FHIP1A: variants seen among roughly 807,000 people sequenced by gnomAD.
FHIP1A encodes the protein FHF complex subunit HOOK interacting protein 1A, also known as FHF complex subunit HOOK-interacting protein 1A.
A neutral mutation model predicts 88.6 loss-of-function variants in FHIP1A; 61 were observed. That is an observed-to-expected ratio of 0.69 (90% CI 0.56 to 0.85). The LOEUF (loss-of-function observed/expected upper bound fraction) is 0.85, where lower values mean the gene tolerates loss of function less well. Among genes scored for constraint, FHIP1A ranks in the 40% least tolerant of loss-of-function variants. FHIP1A has a pLI of 0.00. For missense variants in FHIP1A, 1,154 were observed against 1,273.5 expected (o/e 0.91, Z 1.43); for synonymous variants, 478 against 496.0 (o/e 0.96, Z 0.48).
intron 3 of FHIP1A, among the ~76,000 whole-genome samples, chr4:151,513,986 T>G (rs1731132580): frequency 1.3e-5 from 2 of 150,558 alleles, no homozygotes. Flanking sequence ...CCACCCCAAA[T>G]CAACAGAATA....
chr4:151,434,948 G>A (rs1316980814), intron 1 of FHIP1A, among the ~76,000 whole-genome samples: 1 of 151,866 alleles, frequency 6.6e-6, no homozygotes, highest in Non-Finnish European at 1.5e-5. Context: ...ATGAGGAATT[G>A]GACTCCTTTA....
chr4:151,470,905 A>C (rs1397987852), intron 2 of FHIP1A, among the ~76,000 whole-genome samples: 1 of 152,032 alleles, frequency 6.6e-6, no homozygotes, highest in Non-Finnish European at 1.5e-5. Context: ...TTGCTCCAGG[A>C]TTTTAATTTG....
At chr4:151,482,852 C>T (rs1729948877) in intron 3 of FHIP1A, among the ~76,000 whole-genome samples, 2 of 152,004 alleles carry the variant, frequency 1.3e-5, no homozygotes, top group South Asian at 4.1e-4. Flanking sequence ...TGCATCTTGA[C>T]CCTCTGGTAG....
rs1185864646 is a variant in FHIP1A at position 151,446,456 on chromosome 4, C to T, written c.-355-8245C>T. Reference sequence around the variant, plus strand: ...GTCATGGGATTTCTTTCTTCCTTTCCTTTCCTTTCCTTTTCCCTTTCCTTT... The same window carrying T: ...GTCATGGGATTTCTTTCTTCCTTTCTTTTCCTTTCCTTTTCCCTTTCCTTT... On this transcript the variant is annotated intron_variant, in intron 1 of 13. Coordinates refer to ENST00000435205, the MANE Select transcript of FHIP1A (RefSeq NM_001109977.3). Among the ~76,000 whole-genome samples the T allele has an allele frequency of 9.5e-5, 13 of 136,310 alleles. No individual in the cohort carries two copies. The East Asian group carries it at 2.6e-3, about 27-fold the overall frequency. The allele number at this position is 136,310 out of a possible 152,430, so 89.4% of individuals were successfully genotyped here.
At chr4:151,606,119 C>T (rs559271843) in intron 7 of FHIP1A, among the ~76,000 whole-genome samples, 1 of 152,294 alleles carries the variant, frequency 6.6e-6, no homozygotes, top group Middle Eastern at 3.4e-3. Context: ...TGCTGTTCAA[C>T]CATGATTTAA....
At chr4:151,506,063 C>T (rs764134138) in intron 3 of FHIP1A, among the ~76,000 whole-genome samples, 3 of 152,172 alleles carry the variant, frequency 2.0e-5, no homozygotes, top group Non-Finnish European at 4.4e-5. Flanking sequence ...GCTGAGTCTA[C>T]AGCACATGCC....
At chr4:151,418,640 T>C (rs568045206) in intron 1 of FHIP1A, among the ~76,000 whole-genome samples, 7 of 152,326 alleles carry the variant, frequency 4.6e-5, no homozygotes, top group African/African-American at 1.7e-4. Flanking sequence ...CTTGACTTGG[T>C]TGTCTTGGGT....
chr4:151,447,192 T>C (rs1351031379), intron 1 of FHIP1A, among the ~76,000 whole-genome samples: 1 of 152,188 alleles, frequency 6.6e-6, no homozygotes, highest in African/African-American at 2.4e-5. Flanking sequence ...GAAGACTTCT[T>C]AGGACTGTAA....
At chr4:151,614,462 C>CT (rs771114224) in intron 7 of FHIP1A, among the ~76,000 whole-genome samples, 7 of 142,330 alleles carry the variant, frequency 4.9e-5, no homozygotes, top group Non-Finnish European at 9.0e-5. Flanking sequence ...GTGTGAGACT[C>CT]TGTCTCAAAA....
chr4:151,604,261 A>G (rs549849799), intron 7 of FHIP1A, among the ~76,000 whole-genome samples: 23 of 151,854 alleles, frequency 1.5e-4, no homozygotes, highest in South Asian at 8.4e-4. Flanking sequence ...CTCGGTGCCC[A>G]TGTTATTCTG....
chr4:151,536,914 G>A (rs1362155619), intron 3 of FHIP1A, among the ~76,000 whole-genome samples: 1 of 152,018 alleles, frequency 6.6e-6, no homozygotes, highest in African/African-American at 2.4e-5. Context: ...TTACTCCGTT[G>A]CCCAGGCTGG....
chr4:151,501,864 C>T (rs1003986351), intron 3 of FHIP1A, among the ~76,000 whole-genome samples: 7 of 148,802 alleles, frequency 4.7e-5, no homozygotes, highest in Non-Finnish European at 1.0e-4. Context: ...TGGTTCTCAA[C>T]AAAAACTACA....
intron 3 of FHIP1A, among the ~76,000 whole-genome samples, chr4:151,515,983 A>G (rs1731219929): frequency 6.6e-6 from 1 of 152,218 alleles, no homozygotes. Context: ...AAAAGAGCCC[A>G]CATCGCCAAG....
intron 7 of FHIP1A, among the ~76,000 whole-genome samples, chr4:151,618,446 G>A (rs1735623169): frequency 6.6e-6 from 1 of 152,160 alleles, no homozygotes; most frequent in Non-Finnish European, 1.5e-5. Context: ...GAGGAATAGA[G>A]GATATGAAGC....
At chr4:151,470,078 T>C (rs9994482) in intron 2 of FHIP1A, among the ~76,000 whole-genome samples, 79,031 of 152,014 alleles carry the variant, frequency 0.52, 20,850 homozygotes, top group African/African-American at 0.55. Context: ...AGTGATTTTT[T>C]CAAGTGACAA....
intron 3 of FHIP1A, among the ~76,000 whole-genome samples, chr4:151,518,042 A>G (rs1731311303): frequency 6.6e-6 from 1 of 152,218 alleles, no homozygotes. Context: ...CAGTATTTAT[A>G]AAGTCTATAG....
At chr4:151,469,938 C>T (rs1342011139) in intron 2 of FHIP1A, among the ~76,000 whole-genome samples, 1 of 152,160 alleles carries the variant, frequency 6.6e-6, no homozygotes, top group African/African-American at 2.4e-5. Context: ...TTGTAACTTA[C>T]ATTACACAGC....
chr4:151,550,013 A>C (rs149323568), intron 3 of FHIP1A, among the ~76,000 whole-genome samples: 1 of 152,218 alleles, frequency 6.6e-6, no homozygotes, highest in African/African-American at 2.4e-5. Context: ...TTTTGAAAGA[A>C]CAAGTGAGTG....
intron 5 of FHIP1A, among the ~76,000 whole-genome samples, chr4:151,584,939 C>T (rs918481691): frequency 6.6e-6 from 1 of 152,120 alleles, no homozygotes; most frequent in Non-Finnish European, 1.5e-5. Context: ...TGCTGCCAAC[C>T]CTCGAAATCT....
Sources: allele counts gnomAD v4.1 joint callset (sites outside exome capture counted in the v4.1 genomes callset), GRCh38; gene constraint gnomAD v4.1.1; transcripts MANE v1.5; gene names NCBI Gene and HGNC (gene_info 2026-07-23, HGNC 2026-07-21).